Variants in CLIC4 observed in about 807,000 individuals in gnomAD.
CLIC4 encodes chloride intracellular channel protein 4.
A neutral mutation model predicts 24.6 loss-of-function variants in CLIC4; 13 were observed. The ratio of observed to expected loss-of-function variants is 0.53; its 90% CI spans 0.34 to 0.84. The LOEUF is 0.84. Ranked by LOEUF, CLIC4 falls within the 40% of genes least tolerant of loss-of-function variation. The pLI is 0.01. For missense variants in CLIC4, 227 were observed against 301.7 expected (o/e 0.75, Z 1.83); for synonymous variants, 104 against 111.3 (o/e 0.93, Z 0.41).
chr1:24,805,648 T>C (rs536301425), intron 2 of CLIC4, among the ~76,000 whole-genome samples: 4 of 152,138 alleles, frequency 2.6e-5, no homozygotes, highest in Non-Finnish European at 5.9e-5. Flanking sequence ...CCTAGTACTT[T>C]TTTCTTCGTT....
chr1:24,785,872 AAAAAG>A (rs1283119872), intron 1 of CLIC4, among the ~76,000 whole-genome samples: 8 of 150,720 alleles, frequency 5.3e-5, no homozygotes, highest in South Asian at 2.1e-4. Flanking sequence ...AAAAAAAAAA[AAAAAG>A]AAAAGAAAAA....
chr1:24,800,490 G>A (rs1452376163), intron 2 of CLIC4, among the ~76,000 whole-genome samples: 2 of 151,384 alleles, frequency 1.3e-5, no homozygotes, highest in Non-Finnish European at 3.0e-5. Flanking sequence ...GGGAGGTGAG[G>A]GGCGCCTCTG....
At chr1:24,799,068 C>T (rs1225210140) in intron 2 of CLIC4, among the ~76,000 whole-genome samples, 1 of 152,028 alleles carries the variant, frequency 6.6e-6, no homozygotes, top group Non-Finnish European at 1.5e-5. Context: ...GGCCGCCACC[C>T]CATCTGGGAA....
At chr1:24,840,478 T>A (rs926501248) in intron 5 of CLIC4, among the ~76,000 whole-genome samples, 4 of 152,164 alleles carry the variant, frequency 2.6e-5, no homozygotes, top group Non-Finnish European at 5.9e-5. Flanking sequence ...CAAAAACAGA[T>A]CTAAAATAGC....
chr1:24,749,389 G>A (rs921409337), intron 1 of CLIC4, among the ~76,000 whole-genome samples: 3 of 152,144 alleles, frequency 2.0e-5, no homozygotes, highest in Non-Finnish European at 2.9e-5. Flanking sequence ...TGGTGGTGGC[G>A]CTAGGGGAAA....
At chr1:24,816,478 G>C (rs1431418751) in intron 3 of CLIC4, among the ~76,000 whole-genome samples, 1 of 151,996 alleles carries the variant, frequency 6.6e-6, no homozygotes, top group African/African-American at 2.4e-5. Context: ...CCTGACCTCA[G>C]ATGATCCGCC....
intron 1 of CLIC4, among the ~76,000 whole-genome samples, chr1:24,791,160 A>G (rs1234575061): frequency 1.3e-5 from 2 of 152,154 alleles, no homozygotes; most frequent in Admixed American, 6.5e-5. Context: ...GAAGCAGTGA[A>G]GAGTATTTTT....
At chr1:24,803,169 C>T (rs1002094552) in intron 2 of CLIC4, among the ~76,000 whole-genome samples, 1 of 152,186 alleles carries the variant, frequency 6.6e-6, no homozygotes, top group Non-Finnish European at 1.5e-5. Flanking sequence ...CCCTGTAGTA[C>T]TTTTCATAAT....
chr1:24,797,886 C>CT (rs768974940), intron 2 of CLIC4, 35 bp downstream of exon 2: 8 of 1,378,784 alleles, frequency 5.8e-6, no homozygotes, highest in Non-Finnish European at 5.1e-6. Context: ...TCAACTTAAG[C>CT]TGAACTATCT....
chr1:24,767,918 A>G (rs1639021785), intron 1 of CLIC4, among the ~76,000 whole-genome samples: 2 of 151,808 alleles, frequency 1.3e-5, no homozygotes, highest in African/African-American at 2.4e-5. Flanking sequence ...ATCTCGGCTA[A>G]CTACAACCTC....
chr1:24,767,970 A>G (rs1639022820), intron 1 of CLIC4, among the ~76,000 whole-genome samples: 1 of 151,834 alleles, frequency 6.6e-6, no homozygotes. Context: ...CCTCCCGGGT[A>G]GCTGGGATTA....
At chr1:24,822,341 CTTTTTTTTTTT>C (rs71032865) in intron 3 of CLIC4, among the ~76,000 whole-genome samples, 3 of 75,466 alleles carry the variant, frequency 4.0e-5, no homozygotes, top group African/African-American at 9.1e-5. Context: ...TCAGTGAATT[CTTTTTTTTTTT>C]TTTTTTTTTT....
chr1:24,801,528 A>C (rs1222768399), intron 2 of CLIC4, among the ~76,000 whole-genome samples: 1 of 152,216 alleles, frequency 6.6e-6, no homozygotes, highest in East Asian at 1.9e-4. Flanking sequence ...ATTTGATATG[A>C]GATTTGGGCA....
rs71752506 is a variant in CLIC4 at position 24,816,234 on chromosome 1, G to GTTTT, written c.308+2034_308+2037dup. On this transcript the variant is annotated intron_variant, in intron 3 of 5. Coordinates refer to ENST00000374379, the MANE Select transcript of CLIC4 (RefSeq NM_013943.3). ...CCTCCCATGAATCATGAATGTTCGTGTTTTTTTTTTTTTTTTTTTTTTGGA... is the reference window on the plus strand; with the variant it reads ...CCTCCCATGAATCATGAATGTTCGTGTTTTTTTTTTTTTTTTTTTTTTTTTTGGA... Among the ~76,000 whole-genome samples, 312 of 61,998 alleles carry GTTTT rather than the reference G, an allele frequency of 5.0e-3. 1 individual carries two copies. Among genetic ancestry groups the GTTTT allele is most frequent in the East Asian group, 0.021 (33 of 1,548 alleles). The allele number at this position is 61,998 out of a possible 152,430, so 40.7% of individuals were successfully genotyped here. A position where few individuals can be genotyped will look rare whatever the true frequency, so the allele number is the denominator to read the frequency against.
intron 2 of CLIC4, among the ~76,000 whole-genome samples, chr1:24,813,042 C>CTTTTTT (rs766894932): frequency 8.8e-6 from 1 of 114,040 alleles, no homozygotes; most frequent in African/African-American, 3.5e-5. Flanking sequence ...TTCTTTCTTT[C>CTTTTTT]TTTCTTTTTT....
intron 1 of CLIC4, among the ~76,000 whole-genome samples, chr1:24,789,717 T>C (rs1639310926): frequency 6.6e-6 from 1 of 152,154 alleles, no homozygotes; most frequent in Admixed American, 6.5e-5. Context: ...AAAATTTCCA[T>C]CTGGGACTTC....
chr1:24,762,631 G>T (rs1474690834), intron 1 of CLIC4, among the ~76,000 whole-genome samples: 1 of 152,170 alleles, frequency 6.6e-6, no homozygotes, highest in Non-Finnish European at 1.5e-5. Flanking sequence ...GGAGAGGTTT[G>T]TAAGGAGGGA....
At position 24,842,709 on chromosome 1, in the gene CLIC4, G is replaced by A. The variant is rs1471986411; in HGVS notation, c.*1772G>A. 1 of 150,908 alleles carries A rather than the reference G, an allele frequency of 6.6e-6. No homozygotes were observed. Among genetic ancestry groups the A allele is most frequent in the Non-Finnish European group, 1.5e-5 (1 of 67,690 alleles). The allele number at this position is 150,908 out of a possible 1,614,324, so 9.3% of individuals were successfully genotyped here. ...TTGAGTACCCGCTTGGTTTTTTTTT[G>A]GTAATTAAATATTGTATGATTTATC... On this transcript the variant is annotated 3_prime_UTR_variant, in exon 6 of 6. Transcript: ENST00000374379.
chr1:24,819,068 A>G (rs774748435), intron 3 of CLIC4, among the ~76,000 whole-genome samples: 20 of 152,182 alleles, frequency 1.3e-4, no homozygotes, highest in Admixed American at 3.3e-4. Flanking sequence ...GTCTATAACT[A>G]GCTTCTCATC....
Sources: allele counts gnomAD v4.1 joint callset (sites outside exome capture counted in the v4.1 genomes callset), GRCh38; gene constraint gnomAD v4.1.1; transcripts MANE v1.5; gene names NCBI Gene and HGNC (gene_info 2026-07-23, HGNC 2026-07-21).